Variants in GRIK4 observed in about 807,000 individuals in gnomAD.
The protein encoded by GRIK4 is glutamate ionotropic receptor kainate type subunit 4, also known as glutamate receptor ionotropic, kainate 4.
A neutral mutation model predicts 104.9 loss-of-function variants in GRIK4; 40 were observed. The observed-to-expected ratio is 0.38, with a 90% CI of 0.30 to 0.50. GRIK4 has a LOEUF of 0.50. GRIK4 is among the 20% of genes least tolerant of loss of function. The pLI, the probability that GRIK4 is intolerant of heterozygous loss-of-function variation, is 0.93. For missense variants in GRIK4, 1,047 were observed against 1,308.1 expected (o/e 0.80, Z 3.08); for synonymous variants, 485 against 524.9 (o/e 0.92, Z 1.04).
At chr11:120,621,778 G>C (rs559732644) in intron 1 of GRIK4, among the ~76,000 whole-genome samples, 1 of 152,142 alleles carries the variant, frequency 6.6e-6, no homozygotes, top group African/African-American at 2.4e-5. Context: ...TTGACATACT[G>C]TCATCCGTAG....
At chr11:120,822,021 C>T (rs1953139310) in intron 6 of GRIK4, among the ~76,000 whole-genome samples, 1 of 151,880 alleles carries the variant, frequency 6.6e-6, no homozygotes, top group Non-Finnish European at 1.5e-5. Flanking sequence ...ACCAGTCTGG[C>T]CAATGTAGTA....
At chr11:120,578,148 G>A (rs1591708669) in intron 1 of GRIK4, among the ~76,000 whole-genome samples, 1 of 152,200 alleles carries the variant, frequency 6.6e-6, no homozygotes, top group East Asian at 1.9e-4. Flanking sequence ...AACACGACCA[G>A]AGGGCAGGGA....
chr11:120,524,515 G>A lies in GRIK4; in HGVS notation c.-159+12628G>A, dbSNP rs1403289290. On this transcript the variant is annotated intron_variant, in intron 1 of 20. Transcript: ENST00000527524. This position sits in a 1 kb window ranked among gnomAD's most constrained non-coding sequence, Gnocchi z 4.5. Reference sequence around the variant, plus strand: ...CGATGGAGCTGAACCAGTACAAAGAGTAACACCAGGCCTACCTGGACCTTG... The same window carrying A: ...CGATGGAGCTGAACCAGTACAAAGAATAACACCAGGCCTACCTGGACCTTG... Among the ~76,000 whole-genome samples the A allele has an allele frequency of 6.6e-6, 1 of 152,230 alleles. No homozygotes were observed. Among genetic ancestry groups the A allele is most frequent in the Non-Finnish European group, 1.5e-5 (1 of 68,042 alleles).
chr11:120,608,054 G>C (rs78567288), intron 1 of GRIK4, among the ~76,000 whole-genome samples: 1 of 152,200 alleles, frequency 6.6e-6, no homozygotes, highest in East Asian at 1.9e-4. Context: ...GTTTTCAGTC[G>C]TGTGGTAAGG....
At chr11:120,644,513 G>A (rs1217612436) in intron 1 of GRIK4, among the ~76,000 whole-genome samples, 1 of 152,222 alleles carries the variant, frequency 6.6e-6, no homozygotes, top group African/African-American at 2.4e-5. Flanking sequence ...AGTAAGTGAG[G>A]GAGCTGGGAT....
chr11:120,878,134 C>T (rs945752838), intron 11 of GRIK4, among the ~76,000 whole-genome samples: 2 of 152,180 alleles, frequency 1.3e-5, no homozygotes, highest in African/African-American at 4.8e-5. Context: ...AGCAAGGGAC[C>T]GTGCCCTGAG....
chr11:120,870,421 C>G (rs939952060), intron 9 of GRIK4: 1 of 152,268 alleles, frequency 6.6e-6, no homozygotes, highest in Non-Finnish European at 1.5e-5. Context: ...ATTAGAGAAG[C>G]CTGCCCACCA....
chr11:120,580,231 CTTTCTTTCT>C (rs1345808846), intron 1 of GRIK4, among the ~76,000 whole-genome samples: 3 of 144,538 alleles, frequency 2.1e-5, no homozygotes, highest in Admixed American at 1.4e-4. Context: ...TTCTTTCTTT[CTTTCTTTCT>C]TTCTTTCTTT....
chr11:120,824,552 T>C (rs1465768677), intron 6 of GRIK4, among the ~76,000 whole-genome samples: 2 of 137,094 alleles, frequency 1.5e-5, no homozygotes, highest in Non-Finnish European at 3.3e-5. Context: ...TTTTTTCTTT[T>C]CTTTTTTTTT....
At chr11:120,600,365 T>C (rs1281001142) in intron 1 of GRIK4, among the ~76,000 whole-genome samples, 1 of 151,986 alleles carries the variant, frequency 6.6e-6, no homozygotes, top group African/African-American at 2.4e-5. Flanking sequence ...AAAAGAAAAC[T>C]AGAGTTTTCC....
chr11:120,779,162 T>C (rs1028423210), intron 3 of GRIK4, among the ~76,000 whole-genome samples: 9 of 152,134 alleles, frequency 5.9e-5, no homozygotes, highest in African/African-American at 2.2e-4. Context: ...AGAAGTCACA[T>C]GGAGGTGTGA....
rs536766783 is a variant in GRIK4 at position 120,555,314 on chromosome 11, C to T, written c.-159+43427C>T. On this transcript the variant is annotated intron_variant, in intron 1 of 20. Transcript: ENST00000527524. This position sits in a 1 kb window ranked among gnomAD's most constrained non-coding sequence, Gnocchi z 5.3. ...GGAGCTCTCATTACTGGCTGGTGAA[C>T]CAGAAGCCACTGTGAGGCAGCAAGG... 6.6e-6 allele frequency among the ~76,000 whole-genome samples: 1 copy of T among 152,164 alleles called. No individual in the cohort carries two copies. The highest frequency in any genetic ancestry group is 2.4e-5 in the African/African-American group (1 of 41,452).
At chr11:120,862,690 G>A (rs1345083408) in intron 9 of GRIK4, among the ~76,000 whole-genome samples, 1 of 152,104 alleles carries the variant, frequency 6.6e-6, no homozygotes, top group East Asian at 1.9e-4. Context: ...CCTCTCTGCA[G>A]TTCTGGCCCC....
intron 7 of GRIK4, 114 bp downstream of exon 7, chr11:120,832,144 T>TA (rs1182749270): frequency 9.6e-6 from 6 of 625,142 alleles, no homozygotes; most frequent in East Asian, 2.8e-5. Context: ...CCTGAACTCT[T>TA]ACAAACCTCT....
At chr11:120,543,468 G>A (rs1400773243) in intron 1 of GRIK4, among the ~76,000 whole-genome samples, 2 of 148,326 alleles carry the variant, frequency 1.3e-5, no homozygotes, top group South Asian at 2.2e-4. Context: ...CCAGCTACTC[G>A]GGAGGCTGAG....
intron 1 of GRIK4, among the ~76,000 whole-genome samples, chr11:120,628,631 T>C (rs1394105492): frequency 6.6e-6 from 1 of 152,150 alleles, no homozygotes; most frequent in East Asian, 1.9e-4. Context: ...CCTGGGGTCC[T>C]GGCCTGTTTC....
At chr11:120,945,268 G>A (rs997136047) in intron 14 of GRIK4, among the ~76,000 whole-genome samples, 8 of 152,062 alleles carry the variant, frequency 5.3e-5, no homozygotes, top group African/African-American at 1.4e-4. Context: ...GCTCTTCCAC[G>A]CAGCTCCCCT....
intron 3 of GRIK4, among the ~76,000 whole-genome samples, chr11:120,735,497 A>G (rs907220107): frequency 2.2e-4 from 34 of 152,236 alleles, no homozygotes; most frequent in African/African-American, 8.2e-4. Context: ...CCTGAAGCCA[A>G]CACAGCACTG....
intron 3 of GRIK4, among the ~76,000 whole-genome samples, chr11:120,750,988 C>A (rs1342852484): frequency 6.6e-6 from 1 of 152,156 alleles, no homozygotes; most frequent in African/African-American, 2.4e-5. Flanking sequence ...TGCAGTAAAG[C>A]CTTTTGCAAC....
Sources: gnomAD v4.1 joint callset for allele counts (sites outside exome capture counted in the v4.1 genomes callset) on GRCh38, gnomAD v4.1.1 for gene constraint, Gnocchi (gnomAD v3.1) non-coding constraint, MANE v1.5 for transcripts, NCBI Gene and HGNC (gene_info 2026-07-23, HGNC 2026-07-21) for gene names.